The following PIEZO2 variants were observed in gnomAD, a reference collection of about 807,000 sequenced individuals.
The protein encoded by PIEZO2 is piezo-type mechanosensitive ion channel component 2.
PIEZO2 carries 172 observed loss-of-function variants against 337.3 expected under a neutral mutation model. That is an observed-to-expected ratio of 0.51 (90% CI 0.45 to 0.58). The LOEUF is 0.58. Among genes scored for constraint, PIEZO2 ranks in the 20% least tolerant of loss-of-function variants. The pLI, the probability that PIEZO2 is intolerant of heterozygous loss-of-function variation, is 0.00. For synonymous variants in PIEZO2, 1,251 were observed against 1,228.5 expected, an observed-to-expected ratio of 1.02 and a Z score of -0.38; for missense variants, 3,028 against 3,391.3, an observed-to-expected ratio of 0.89 and a Z score of 2.66.
chr18:10,891,133 G>C (rs1375258125), intron 4 of PIEZO2, among the ~76,000 whole-genome samples: 1 of 152,130 alleles, frequency 6.6e-6, no homozygotes, highest in Non-Finnish European at 1.5e-5. Flanking sequence ...AGGAGTTCGA[G>C]AGCAACATGG....
rs35290583 is a variant in PIEZO2 at position 10,914,145 on chromosome 18, T to C, written c.287-2917A>G. Reference sequence around the variant, plus strand: ...CCATGCTTTACATAGTAAGGTAATATTATTCACTTTCGCCAAAGCAGTCCA... The same window carrying C: ...CCATGCTTTACATAGTAAGGTAATACTATTCACTTTCGCCAAAGCAGTCCA... On this transcript the variant is annotated intron_variant, in intron 3 of 55. Transcript: ENST00000674853. Among the ~76,000 whole-genome samples, 490 of 152,284 alleles carry C rather than the reference T, an allele frequency of 3.2e-3. 1 individual carries two copies. The highest frequency in any genetic ancestry group is 5.2e-3 in the Non-Finnish European group (353 of 68,020).
intron 1 of PIEZO2, among the ~76,000 whole-genome samples, chr18:11,079,942 A>C (rs1266753493): frequency 6.6e-6 from 1 of 152,240 alleles, no homozygotes; most frequent in Non-Finnish European, 1.5e-5. Context: ...AAGTAAAAAA[A>C]CTAGGTTGTC....
intron 8 of PIEZO2, among the ~76,000 whole-genome samples, chr18:10,804,593 A>G (rs1208036551): frequency 6.6e-6 from 1 of 152,206 alleles, no homozygotes; most frequent in Non-Finnish European, 1.5e-5. Flanking sequence ...ACTGGAGTGG[A>G]GTGGACTTAG....
intron 9 of PIEZO2, 107 bp downstream of exon 9, chr18:10,803,768 C>T (rs532583051): frequency 7.4e-7 from 1 of 1,359,050 alleles, no homozygotes; most frequent in African/African-American, 1.5e-5. Context: ...AAACTACAAG[C>T]AACCTGAATA....
intron 32 of PIEZO2, among the ~76,000 whole-genome samples, chr18:10,742,053 G>A (rs2037243373): frequency 6.6e-6 from 1 of 152,186 alleles, no homozygotes; most frequent in East Asian, 1.9e-4. Flanking sequence ...TACTCGGGAG[G>A]CTGAGGCAGG....
intron 2 of PIEZO2, among the ~76,000 whole-genome samples, chr18:10,992,070 T>C (rs2145560419): frequency 6.6e-6 from 1 of 152,358 alleles, no homozygotes; most frequent in Non-Finnish European, 1.5e-5. Context: ...CACTTTTTGA[T>C]GGTGTTGTTT....
intron 45 of PIEZO2, 90 bp downstream of exon 45, chr18:10,697,658 A>ACTTCT: frequency 6.7e-7 from 1 of 1,488,492 alleles, no homozygotes; most frequent in Non-Finnish European, 9.0e-7. Flanking sequence ...ACGAGAAGTT[A>ACTTCT]CTTCTCTGCT....
rs1305367365 is a variant in PIEZO2 at position 10,892,538 on chromosome 18, C to T, written c.329+18648G>A. Among the ~76,000 whole-genome samples the T allele has an allele frequency of 3.3e-5, 5 of 151,884 alleles. No individual in the cohort carries two copies. In the East Asian group the frequency reaches 7.7e-4, roughly 23 times the overall value. ...TTTTGGGGATAATGAAGATAACACACATCCTGACTATGGTGGTGGTTAAAT... is the reference window on the plus strand; with the variant it reads ...TTTTGGGGATAATGAAGATAACACATATCCTGACTATGGTGGTGGTTAAAT... On this transcript the variant is annotated intron_variant, in intron 4 of 55. Transcript: ENST00000674853.
chr18:10,768,098 C>A (rs1053685778), intron 21 of PIEZO2, among the ~76,000 whole-genome samples: 3 of 152,046 alleles, frequency 2.0e-5, no homozygotes, highest in Non-Finnish European at 4.4e-5. Context: ...AGAGCCTCTG[C>A]GAGGTGGATT....
Position 10,689,759 on chromosome 18 carries a change from C to G in PIEZO2, c.7393G>C (p.Asp2465His), listed in dbSNP as rs778303797. The G allele has an allele frequency of 6.2e-7, 1 of 1,614,062 alleles. No homozygotes were observed. Among genetic ancestry groups the G allele is most frequent in the Non-Finnish European group, 8.5e-7 (1 of 1,179,968 alleles). ...PFLTELRAVM[D>H]WVWTDTTLSL... ...AAAGTTGTGTCCGTCCACACCCAGT[C>G]CATCACTGCCCTCAGCTCAGTCAAA... The change falls in exon 49 of 56, where the codon GAC becomes CAC. Residue 2465 changes from aspartate (D) to histidine (H), a missense_variant. Asp to His is a moderately conservative substitution (Grantham distance 81, BLOSUM62 -1). Coordinates refer to ENST00000674853, the MANE Select transcript of PIEZO2 (RefSeq NM_001378183.1).
At chr18:10,864,352 A>T (rs1481862355) in intron 5 of PIEZO2, among the ~76,000 whole-genome samples, 2 of 152,064 alleles carry the variant, frequency 1.3e-5, no homozygotes, top group East Asian at 3.9e-4. Flanking sequence ...TTTCTGAGGG[A>T]CCCCAGTAGT....
chr18:11,130,887 C>G (rs2040321197), intron 1 of PIEZO2, among the ~76,000 whole-genome samples: 1 of 152,188 alleles, frequency 6.6e-6, no homozygotes, highest in South Asian at 2.1e-4. Context: ...GGGTACAGAA[C>G]AGGGGAAGGC....
At chr18:10,839,199 T>C (rs2041113419) in intron 7 of PIEZO2, among the ~76,000 whole-genome samples, 1 of 152,230 alleles carries the variant, frequency 6.6e-6, no homozygotes, top group African/African-American at 2.4e-5. Flanking sequence ...CCCAGTCTGC[T>C]GGCCTCAAAT....
chr18:10,778,564 C>T (rs1233865938), intron 18 of PIEZO2, among the ~76,000 whole-genome samples: 3 of 152,114 alleles, frequency 2.0e-5, no homozygotes, highest in African/African-American at 7.2e-5. Flanking sequence ...GATCTCCTGA[C>T]CTCATGATCC....
rs1447252070 is a variant in PIEZO2 at position 11,101,919 on chromosome 18, T to G, written c.65-35697A>C. Among the ~76,000 whole-genome samples, 1 of 152,244 alleles carries G rather than the reference T, an allele frequency of 6.6e-6. No homozygotes were observed. Among genetic ancestry groups the G allele is most frequent in the Admixed American group, 6.5e-5 (1 of 15,284 alleles). On this transcript the variant is annotated intron_variant, in intron 1 of 55. Coordinates refer to ENST00000674853, the MANE Select transcript of PIEZO2 (RefSeq NM_001378183.1). The surrounding 1 kb of genome is among the most constrained non-coding windows in gnomAD (Gnocchi z 4.4). ...CACACACTAATTTGTAACATGAGTA[T>G]GTAAACATTTCTGGATATGTTTAGT...
At chr18:11,089,832 C>T (rs142580714) in intron 1 of PIEZO2, among the ~76,000 whole-genome samples, 1 of 152,342 alleles carries the variant, frequency 6.6e-6, no homozygotes, top group East Asian at 1.9e-4. Context: ...CTCTGTCCAA[C>T]GAGCATTTCC....
chr18:11,029,109 T>G (rs1172429179), intron 2 of PIEZO2, among the ~76,000 whole-genome samples: 1 of 152,200 alleles, frequency 6.6e-6, no homozygotes, highest in Non-Finnish European at 1.5e-5. Context: ...TAAAATTTAG[T>G]GTAGGCCTTC....
Position 10,846,316 on chromosome 18 carries a change from C to T in PIEZO2, c.917+9037G>A, listed in dbSNP as rs753409707. 6.6e-4 allele frequency among the ~76,000 whole-genome samples: 101 copies of T among 152,172 alleles called. 1 individual carries two copies. The highest frequency in any genetic ancestry group is 1.1e-3 in the Non-Finnish European group (72 of 68,034). ...TTTTAAAACCATCAGATTTGTGAGACTCATTCACTATCACCAGAACAACAC... is the reference window on the plus strand; with the variant it reads ...TTTTAAAACCATCAGATTTGTGAGATTCATTCACTATCACCAGAACAACAC... On this transcript the variant is annotated intron_variant, in intron 7 of 55. Coordinates refer to ENST00000674853, the MANE Select transcript of PIEZO2 (RefSeq NM_001378183.1). This position sits in a 1 kb window ranked among gnomAD's most constrained non-coding sequence, Gnocchi z 4.1.
intron 27 of PIEZO2, 94 bp downstream of exon 27, chr18:10,757,875 T>C: frequency 7.8e-7 from 1 of 1,276,940 alleles, no homozygotes. Context: ...TCAGCAGATC[T>C]GTTTCCCAAG....
Sources: allele counts gnomAD v4.1 joint callset (sites outside exome capture counted in the v4.1 genomes callset), GRCh38; gene constraint gnomAD v4.1.1; non-coding constraint Gnocchi (gnomAD v3.1); transcripts MANE v1.5; gene names NCBI Gene and HGNC (gene_info 2026-07-23, HGNC 2026-07-21).